The following PPARGC1A variants were observed in gnomAD, a reference collection of about 807,000 sequenced individuals.
PPARGC1A encodes PPARG coactivator 1 alpha, also known as peroxisome proliferator-activated receptor gamma coactivator 1-alpha.
Under a neutral mutation model 88.7 loss-of-function variants are expected in PPARGC1A, and 25 were observed. The ratio of observed to expected loss-of-function variants is 0.28; its 90% CI spans 0.21 to 0.39. The LOEUF (loss-of-function observed/expected upper bound fraction) is 0.39. Among genes scored for constraint, PPARGC1A ranks in the 10% least tolerant of loss-of-function variants. PPARGC1A has a pLI of 1.00. For synonymous variants in PPARGC1A, 363 were observed against 355.6 expected (o/e 1.02, Z -0.24); for missense variants, 880 against 968.7 (o/e 0.91, Z 1.22).
At chr4:23,816,035 T>C (rs1159954533) in intron 7 of PPARGC1A, among the ~76,000 whole-genome samples, 1 of 152,208 alleles carries the variant, frequency 6.6e-6, no homozygotes, top group Non-Finnish European at 1.5e-5. Context: ...AAAGAATGAA[T>C]GTTTTCTCTA....
At chr4:24,374,302 T>C in the PPARGC1A span, among the ~76,000 whole-genome samples, 1 of 152,142 alleles carries the variant, frequency 6.6e-6, no homozygotes, top group Non-Finnish European at 1.5e-5. Flanking sequence ...TCCTACCCTG[T>C]CACTCTATAT....
chr4:23,849,700 AAAAAG>A (rs1728932548), intron 2 of PPARGC1A, among the ~76,000 whole-genome samples: 1 of 152,210 alleles, frequency 6.6e-6, no homozygotes, highest in Non-Finnish European at 1.5e-5. Context: ...TAATATTTTT[AAAAAG>A]AAAAGGGGCC....
the PPARGC1A span, among the ~76,000 whole-genome samples, chr4:24,122,436 T>TATATATATATAG: frequency 8.0e-6 from 1 of 124,246 alleles, no homozygotes; most frequent in Non-Finnish European, 1.6e-5. Context: ...TATATATATA[T>TATATATATATAG]AGAGAGAGAG....
upstream of PPARGC1A, among the ~76,000 whole-genome samples, chr4:23,906,402 CA>C (rs1441893145): frequency 6.6e-6 from 1 of 151,586 alleles, no homozygotes; most frequent in South Asian, 2.1e-4. Flanking sequence ...CACTTGAGAT[CA>C]GGAGTTCAAG....
chr4:24,269,013 T>C, the PPARGC1A span, among the ~76,000 whole-genome samples: 1 of 152,140 alleles, frequency 6.6e-6, no homozygotes, highest in Non-Finnish European at 1.5e-5. Flanking sequence ...TGGGTGGAAA[T>C]TTATGAAGTT....
the PPARGC1A span, among the ~76,000 whole-genome samples, chr4:24,211,944 T>C: frequency 6.6e-6 from 1 of 152,204 alleles, no homozygotes; most frequent in Non-Finnish European, 1.5e-5. Flanking sequence ...CATCACTCTC[T>C]GGGTTATTCC....
At chr4:23,988,942 A>G in the PPARGC1A span, among the ~76,000 whole-genome samples, 1 of 147,612 alleles carries the variant, frequency 6.8e-6, no homozygotes, top group Non-Finnish European at 1.5e-5. Context: ...TATATATAAT[A>G]TATAAAATAT....
chr4:24,172,873 C>T, the PPARGC1A span, among the ~76,000 whole-genome samples: 1 of 152,306 alleles, frequency 6.6e-6, no homozygotes, highest in African/African-American at 2.4e-5. Context: ...AAAGCCTCTT[C>T]AGTTTTTGCC....
chr4:23,829,070 T>C (rs565765761), intron 4 of PPARGC1A, among the ~76,000 whole-genome samples: 3 of 152,220 alleles, frequency 2.0e-5, no homozygotes, highest in South Asian at 2.1e-4. Context: ...ATGGCAGAGA[T>C]AGATGTTTTG....
the PPARGC1A span, among the ~76,000 whole-genome samples, chr4:24,020,078 C>A: frequency 1.3e-5 from 2 of 152,136 alleles, no homozygotes; most frequent in African/African-American, 4.8e-5. Flanking sequence ...AAAATCTCTG[C>A]AGGGGAGATC....
the PPARGC1A span, among the ~76,000 whole-genome samples, chr4:24,191,896 C>A: frequency 6.6e-6 from 1 of 152,132 alleles, no homozygotes; most frequent in African/African-American, 2.4e-5. Flanking sequence ...GAGAAAGAAG[C>A]AAAAAGCTTG....
the PPARGC1A span, among the ~76,000 whole-genome samples, chr4:24,304,275 T>C: frequency 6.6e-6 from 1 of 152,204 alleles, no homozygotes; most frequent in Non-Finnish European, 1.5e-5. Context: ...AGGATAGACA[T>C]TTCCAATAAA....
chr4:24,322,171 C>G, the PPARGC1A span, among the ~76,000 whole-genome samples: 9 of 152,208 alleles, frequency 5.9e-5, no homozygotes, highest in Non-Finnish European at 1.2e-4. Context: ...CTGATTATAG[C>G]CTCCGCTTAT....
upstream of PPARGC1A, among the ~76,000 whole-genome samples, chr4:23,907,222 A>C (rs934340493): frequency 6.6e-6 from 1 of 152,196 alleles, no homozygotes; most frequent in Non-Finnish European, 1.5e-5. Context: ...ATCGCACCTA[A>C]AAAAACAAAC....
the PPARGC1A span, among the ~76,000 whole-genome samples, chr4:24,050,617 G>C: frequency 6.6e-6 from 1 of 152,144 alleles, no homozygotes; most frequent in Non-Finnish European, 1.5e-5. Flanking sequence ...TCTCACATCA[G>C]AGTTCCCTAG....
the PPARGC1A span, among the ~76,000 whole-genome samples, chr4:24,209,034 C>T: frequency 0.72 from 109,680 of 152,004 alleles, 41,496 homozygotes; most frequent in Middle Eastern, 0.89. Context: ...CTATACCCCA[C>T]AATGCACCAT....
the PPARGC1A span, among the ~76,000 whole-genome samples, chr4:23,978,568 T>A: frequency 1.3e-5 from 2 of 152,180 alleles, no homozygotes; most frequent in Non-Finnish European, 2.9e-5. Context: ...ACAGCACTAT[T>A]TCTATCAGGT....
intron 2 of PPARGC1A, among the ~76,000 whole-genome samples, chr4:23,852,255 A>G (rs1729428951): frequency 6.6e-6 from 1 of 152,198 alleles, no homozygotes; most frequent in African/African-American, 2.4e-5. Flanking sequence ...GGTTTTGCCT[A>G]CAAAAGGTTT....
chr4:23,993,975 G>C, the PPARGC1A span, among the ~76,000 whole-genome samples: 1 of 152,050 alleles, frequency 6.6e-6, no homozygotes, highest in African/African-American at 2.4e-5. Flanking sequence ...ATATTAAAAA[G>C]GTTGTCATTT....
Sources: allele counts gnomAD v4.1 joint callset (sites outside exome capture counted in the v4.1 genomes callset), GRCh38; gene constraint gnomAD v4.1.1; transcripts MANE v1.5; gene names NCBI Gene and HGNC (gene_info 2026-07-23, HGNC 2026-07-21).